UBE2J1: variants seen among roughly 807,000 people sequenced by gnomAD.
UBE2J1 encodes ubiquitin-conjugating enzyme E2 J1.
In UBE2J1, 17 loss-of-function variants were observed where a neutral mutation model predicts 42.1. The ratio of observed to expected loss-of-function variants is 0.40; its 90% CI spans 0.28 to 0.61. The LOEUF is 0.61. Among genes scored for constraint, UBE2J1 ranks in the 20% least tolerant of loss-of-function variants. UBE2J1 has a pLI of 0.38. For missense variants in UBE2J1, 291 were observed against 389.4 expected, an observed-to-expected ratio of 0.75 and a Z score of 2.13; for synonymous variants, 127 against 137.2, an observed-to-expected ratio of 0.93 and a Z score of 0.52.
intron 5 of UBE2J1, among the ~76,000 whole-genome samples, chr6:89,337,859 A>C (rs532804952): frequency 5.6e-4 from 85 of 152,366 alleles, no homozygotes; most frequent in Non-Finnish European, 1.1e-3. Context: ...TCTTGTGGAA[A>C]GCTACAAATA....
At chr6:89,343,250 C>A (rs1301648267) in intron 2 of UBE2J1, among the ~76,000 whole-genome samples, 1 of 152,058 alleles carries the variant, frequency 6.6e-6, no homozygotes, top group Non-Finnish European at 1.5e-5. Flanking sequence ...GCCTGACCAA[C>A]ATGGTGAAAC....
rs144284760 is a variant in UBE2J1, at chr6:89,329,893, G to A, written c.743C>T (p.Thr248Ile). The A allele has an allele frequency of 1.9e-6, 3 of 1,614,072 alleles. No homozygotes were observed. Among genetic ancestry groups the A allele is most frequent in the Admixed American group, 1.7e-5 (1 of 59,998 alleles). The change falls in exon 8 of 8, where the codon ACC becomes ATC. Residue 248 changes from threonine to isoleucine, a missense_variant. This residue lies in a region of UBE2J1 where 176 missense variants were observed against 196.3 expected (regional missense o/e 0.90). Transcript: ENST00000435041. ...CCGGCGCTGTCGAGGGCTCATGGAG[G>A]TATTCTTAGCTACAGGTTGGGTAGG... ...HQPTQPVAKN[T>I]SMSPRQRRAQ...
chr6:89,341,549 C>A (rs1199587694), intron 3 of UBE2J1, among the ~76,000 whole-genome samples: 1 of 151,954 alleles, frequency 6.6e-6, no homozygotes, highest in African/African-American at 2.4e-5. Context: ...CCAATGAGAC[C>A]ATGTCTCTAC....
chr6:89,348,751 A>G (rs116478066), intron 1 of UBE2J1, among the ~76,000 whole-genome samples: 2,382 of 152,346 alleles, frequency 0.016, 70 homozygotes, highest in African/African-American at 0.054. Flanking sequence ...GTATATATGT[A>G]CAAGTATATA....
At position 89,328,425 on chromosome 6, in the gene UBE2J1, A is replaced by T. The variant is rs923262274; in HGVS notation, c.*1254T>A. On this transcript the variant is annotated 3_prime_UTR_variant, in exon 8 of 8. Transcript: ENST00000435041. ...CCAACATTGTTTGACTTGTAAAAAA[A>T]TTAACTTACAAATAACACTTTTGGA... The T allele has an allele frequency of 6.6e-6, 1 of 152,242 alleles. No homozygotes were observed. The highest frequency in any genetic ancestry group is 1.5e-5 in the Non-Finnish European group (1 of 68,042). The allele number at this position is 152,242 out of a possible 1,614,324, so 9.4% of individuals were successfully genotyped here. A position where few individuals can be genotyped will look rare whatever the true frequency, so the allele number is the denominator to read the frequency against.
intron 1 of UBE2J1, among the ~76,000 whole-genome samples, chr6:89,347,721 C>T (rs1244231050): frequency 1.3e-5 from 2 of 152,102 alleles, no homozygotes; most frequent in Non-Finnish European, 2.9e-5. Context: ...ATTATGAATG[C>T]TTCAGTGAAA....
rs372021590 is a variant in UBE2J1, at chr6:89,329,935, G to T, written c.701C>A (p.Ala234Glu). 8.7e-6 allele frequency: 14 copies of T among 1,613,952 alleles called. No individual in the cohort carries two copies. The highest frequency in any genetic ancestry group is 1.1e-5 in the Non-Finnish European group (13 of 1,179,996). Residue 234 changes from alanine to glutamate, a missense_variant, in exon 8 of 8, where the codon GCA becomes GAA. Transcript: ENST00000435041. ...STSYGLQNSS[A>E]ASFHQPTQPV... is the part of the protein sequence containing the mutation. ...TTGGGTAGGTTGATGAAAGGATGCT[G>T]CTGAGGAATTCTGGAGTCCGTACTA...
intron 1 of UBE2J1, among the ~76,000 whole-genome samples, chr6:89,351,070 T>TTC (rs1491497002): frequency 1.6e-4 from 7 of 44,532 alleles, no homozygotes; most frequent in African/African-American, 9.5e-4. Flanking sequence ...CGGGATTCTC[T>TTC]TTTTTTTTTT....
chr6:89,336,385 G>A (rs1463041345), intron 5 of UBE2J1, among the ~76,000 whole-genome samples: 2 of 151,908 alleles, frequency 1.3e-5, no homozygotes, highest in African/African-American at 4.8e-5. Context: ...CAACCTCCCA[G>A]ACCCCAGTGA....
Position 89,344,554 on chromosome 6 carries a change from C to G in UBE2J1, c.32-798G>C, listed in dbSNP as rs577558738. Among the ~76,000 whole-genome samples the G allele has an allele frequency of 7.3e-4, 111 of 152,330 alleles. 1 individual carries two copies. The South Asian group carries it at 0.022, about 31-fold the overall frequency. On this transcript the variant is annotated intron_variant, in intron 1 of 7. Transcript: ENST00000435041. ...ACTGTGCCTGACCCAACCCAACCAT[C>G]TTATTTGCTGTCTATACCCAAACAG...
intron 1 of UBE2J1, among the ~76,000 whole-genome samples, chr6:89,346,092 T>C (rs1326677763): frequency 6.6e-6 from 1 of 152,022 alleles, no homozygotes; most frequent in Non-Finnish European, 1.5e-5. Context: ...GGTCCCCCTG[T>C]CTTGCCCAGG....
At chr6:89,336,571 G>C (rs745566375) in intron 5 of UBE2J1, among the ~76,000 whole-genome samples, 1 of 150,462 alleles carries the variant, frequency 6.6e-6, no homozygotes, top group Non-Finnish European at 1.5e-5. Flanking sequence ...AGGCTCAAGC[G>C]ATCCTCCTGC....
At chr6:89,352,397 G>C (rs1459203627) in intron 1 of UBE2J1, 142 bp downstream of exon 1, 3 of 948,984 alleles carry the variant, frequency 3.2e-6, no homozygotes, top group Non-Finnish European at 4.5e-6. Flanking sequence ...TGTACTTCCC[G>C]GGCAGGCGGC....
At chr6:89,332,786 A>G (rs1768034589) in intron 7 of UBE2J1, among the ~76,000 whole-genome samples, 1 of 152,186 alleles carries the variant, frequency 6.6e-6, no homozygotes, top group Admixed American at 6.5e-5. Context: ...TAACATATGG[A>G]TATTTTGTTT....
At chr6:89,338,098 C>G (rs1397844480) in intron 5 of UBE2J1, 107 bp downstream of exon 5, 1 of 700,812 alleles carries the variant, frequency 1.4e-6, no homozygotes, top group Non-Finnish European at 2.4e-6. Context: ...CCTGTAGCTA[C>G]AGTCACTCAG....
In UBE2J1 at chr6:89,335,295, A is replaced by G; in HGVS notation, c.558+7T>C. ...AAGATTAGCATTTATTTAAGAATTT[A>G]TAGTACCTTAAAGCTTATTTGCCTA... On this transcript the variant is annotated splice_region_variant and intron_variant, in intron 6 of 7. Transcript: ENST00000435041. 1 of 1,559,410 alleles carries G rather than the reference A, an allele frequency of 6.4e-7. No homozygotes were observed. The highest frequency in any genetic ancestry group is 8.7e-7 in the Non-Finnish European group (1 of 1,152,224).
rs111911659 is a variant in UBE2J1 at position 89,339,082 on chromosome 6, A to G, written c.238-539T>C. Among the ~76,000 whole-genome samples the G allele has an allele frequency of 8.4e-3, 1,283 of 152,184 alleles. 11 individuals carry two copies. Among genetic ancestry groups the G allele is most frequent in the African/African-American group, 0.03 (1,244 of 41,542 alleles). On this transcript the variant is annotated intron_variant, in intron 3 of 7. Transcript: ENST00000435041. ...AAGCTGTTTTTAGAAGGTGTTTTAC[A>G]GCACCTTTTGAAACTGAGTTGCACA... is the stretch of plus-strand genomic sequence containing the variant.
chr6:89,341,679 G>A (rs1288216470), intron 3 of UBE2J1, among the ~76,000 whole-genome samples: 11 of 151,794 alleles, frequency 7.2e-5, no homozygotes, highest in South Asian at 2.1e-4. Context: ...AGCTATGATC[G>A]TGCTACTGCG....
At chr6:89,347,011 A>G (rs1455765783) in intron 1 of UBE2J1, among the ~76,000 whole-genome samples, 3 of 152,230 alleles carry the variant, frequency 2.0e-5, no homozygotes, top group Non-Finnish European at 4.4e-5. Context: ...ATCCGATTAA[A>G]GGCAATGGTT....
Sources: allele counts gnomAD v4.1 joint callset (sites outside exome capture counted in the v4.1 genomes callset), GRCh38; gene constraint gnomAD v4.1.1; regional missense constraint gnomAD v4.1.1; transcripts MANE v1.5; gene names NCBI Gene and HGNC (gene_info 2026-07-23, HGNC 2026-07-21).